Variants in ANTXRL observed in about 807,000 individuals in gnomAD.
ANTXRL encodes anthrax toxin receptor-like.
In ANTXRL, 63 loss-of-function variants were observed where a neutral mutation model predicts 75.4. The ratio of observed to expected loss-of-function variants is 0.84; its 90% CI spans 0.68 to 1.03. ANTXRL has a LOEUF of 1.03. Ranked by LOEUF, ANTXRL falls within the 50% of genes least tolerant of loss-of-function variation. The probability of loss-of-function intolerance (pLI) is 0.00; values close to 1 mark genes in which losing one functional copy is unlikely to be tolerated. For missense variants in ANTXRL, 797 were observed against 789.4 expected, an observed-to-expected ratio of 1.01 and a Z score of -0.12; for synonymous variants, 335 against 291.3, an observed-to-expected ratio of 1.15 and a Z score of -1.53.
At position 46,297,346 on chromosome 10, in the gene ANTXRL, T is replaced by G; in HGVS notation, c.585+18T>G. 6.5e-7 allele frequency: 1 copy of G among 1,536,270 alleles called. No individual in the cohort carries two copies. The highest frequency in any genetic ancestry group is 8.7e-7 in the Non-Finnish European group (1 of 1,146,724). On this transcript the variant is annotated intron_variant, in intron 6 of 16. Coordinates refer to ENST00000620264, the MANE Select transcript of ANTXRL (RefSeq NM_001278688.3). ...TCAGAGAAGTGAGTCCAGTTCATAC[T>G]TACCAGCATTTTGCTCCATGTATTT...
Position 46,296,220 on chromosome 10 carries a change from C to T in ANTXRL, c.476C>T (p.Ala159Val), listed in dbSNP as rs573253426. 2 of 1,535,718 alleles carry T rather than the reference C, an allele frequency of 1.3e-6. No homozygotes were observed. Among genetic ancestry groups the T allele is most frequent in the East Asian group, 2.4e-5 (1 of 40,932 alleles). Residue 159 changes from alanine (A) to valine (V), a missense_variant and splice_region_variant, in exon 5 of 17, where the codon GCA (alanine) becomes GTA (valine). Physicochemically the swap from Ala to Val is moderately conservative, Grantham distance 64. This residue lies in a region of ANTXRL where 262 missense variants were observed against 271.9 expected (regional missense o/e 0.96). Coordinates refer to ENST00000620264, the MANE Select transcript of ANTXRL (RefSeq NM_001278688.3). ...CAATATTTCTTCATTTTCTTGCAGGCAATTCAACAGATCGAAAGTTTCAAC... is the reference window on the plus strand; with the variant it reads ...CAATATTTCTTCATTTTCTTGCAGGTAATTCAACAGATCGAAAGTTTCAAC... The part of the protein sequence containing the change: ...HTFMQAGFRK[A>V]IQQIESFNSG...
At chr10:46,321,372 G>A (rs79799492) in intron 16 of ANTXRL, among the ~76,000 whole-genome samples, 1 of 152,154 alleles carries the variant, frequency 6.6e-6, no homozygotes, top group East Asian at 1.9e-4. Flanking sequence ...TCCATTTCTA[G>A]GATGTTGTCT....
At chr10:46,329,407 G>T (rs1198877098) in intron 16 of ANTXRL, among the ~76,000 whole-genome samples, 192 bp from the exon 17 acceptor site, 2 of 152,236 alleles carry the variant, frequency 1.3e-5, no homozygotes, top group East Asian at 3.9e-4. Context: ...GACTTTGAAC[G>T]CTGGAGCTGA....
chr10:46,329,473 C>G (rs1839382758), intron 16 of ANTXRL, 126 bp from the exon 17 acceptor site: 2 of 1,272,884 alleles, frequency 1.6e-6, no homozygotes, highest in Non-Finnish European at 2.1e-6. Context: ...AGGAGGAGCA[C>G]AGCAAGGCCC....
intron 16 of ANTXRL, among the ~76,000 whole-genome samples, chr10:46,314,201 G>T (rs1554964244): frequency 6.6e-6 from 1 of 152,148 alleles, no homozygotes; most frequent in Non-Finnish European, 1.5e-5. Flanking sequence ...ATAAGAAATG[G>T]GCCGGGAGCC....
chr10:46,296,300 G>C (rs1565020046), intron 5 of ANTXRL, 48 bp downstream of exon 5: 1 of 1,527,274 alleles, frequency 6.5e-7, no homozygotes. Flanking sequence ...GAACAGAGCT[G>C]GGTGTGAGCC....
rs114454075 is a variant in ANTXRL, at chr10:46,296,277, G to A, written c.508+25G>A. On this transcript the variant is annotated intron_variant, in intron 5 of 16. Coordinates refer to ENST00000620264, the MANE Select transcript of ANTXRL (RefSeq NM_001278688.3). ...AGTAAGCACCTGCCGTCCCCCTGGTGGTCCTGTAGGGGGAACAGAGCTGGG... is the reference window on the plus strand; with the variant it reads ...AGTAAGCACCTGCCGTCCCCCTGGTAGTCCTGTAGGGGGAACAGAGCTGGG... The A allele has an allele frequency of 2.9e-3, 4,469 of 1,534,904 alleles. 105 individuals carry two copies. The African/African-American group carries it at 0.052, about 18-fold the overall frequency.
At chr10:46,326,845 C>T (rs1380865304) in intron 16 of ANTXRL, among the ~76,000 whole-genome samples, 3 of 152,122 alleles carry the variant, frequency 2.0e-5, no homozygotes, top group African/African-American at 7.2e-5. Flanking sequence ...AGGTGGAGGT[C>T]TGGGCCAAGC....
At chr10:46,299,948 C>T (rs1195238631) in intron 9 of ANTXRL, among the ~76,000 whole-genome samples, 2 of 152,172 alleles carry the variant, frequency 1.3e-5, no homozygotes, top group African/African-American at 2.4e-5. Context: ...CTCTCCTCCC[C>T]CTCGGGGTCT....
intron 9 of ANTXRL, among the ~76,000 whole-genome samples, chr10:46,298,669 G>A (rs1837534626): frequency 6.6e-6 from 1 of 151,646 alleles, no homozygotes; most frequent in South Asian, 2.1e-4. Context: ...GTGTGTGTTT[G>A]TGTCGTATGG....
Position 46,288,552 on chromosome 10 carries a change from G to A in ANTXRL, c.248+1042G>A, listed in dbSNP as rs144276481. ...GTTTCTGACTGTTCTGCTACTCTTGGGGAAGGAGCAACTCAGTTCTGGAGA... is the reference window on the plus strand; with the variant it reads ...GTTTCTGACTGTTCTGCTACTCTTGAGGAAGGAGCAACTCAGTTCTGGAGA... On this transcript the variant is annotated intron_variant, in intron 1 of 16. Transcript: ENST00000620264. 5.0e-4 allele frequency among the ~76,000 whole-genome samples: 76 copies of A among 152,250 alleles called. 1 individual carries two copies. Among genetic ancestry groups the A allele is most frequent in the African/African-American group, 1.8e-3 (74 of 41,518 alleles).
In ANTXRL at chr10:46,293,825, A is replaced by C; in HGVS notation, c.321-4A>C. The stretch of plus-strand genomic sequence containing the variant: ...CTTCTCACCAGCACATGATTCCTTC[A>C]CAGCCCAAATATTCGGATGTGCTTC... On this transcript the variant is annotated splice_polypyrimidine_tract_variant and splice_region_variant and intron_variant, in intron 2 of 16. Transcript: ENST00000620264. The C allele has an allele frequency of 6.5e-7, 1 of 1,535,486 alleles. No individual in the cohort carries two copies. The highest frequency in any genetic ancestry group is 8.7e-7 in the Non-Finnish European group (1 of 1,146,520).
chr10:46,303,186 G>A (rs1837861279), intron 10 of ANTXRL, among the ~76,000 whole-genome samples: 1 of 152,156 alleles, frequency 6.6e-6, no homozygotes, highest in Admixed American at 6.5e-5. Flanking sequence ...AGGAAATGGT[G>A]GCAGCCCCGG....
chr10:46,319,893 G>C (rs1205651042), intron 16 of ANTXRL, among the ~76,000 whole-genome samples: 3 of 152,092 alleles, frequency 2.0e-5, no homozygotes, highest in Admixed American at 1.3e-4. Flanking sequence ...ACTTTCTGTA[G>C]TAACAAAATC....
At chr10:46,313,087 A>G in intron 15 of ANTXRL, 149 bp from the exon 16 acceptor site, 4 of 713,384 alleles carry the variant, frequency 5.6e-6, no homozygotes, top group Non-Finnish European at 9.7e-6. Flanking sequence ...CCAGCACACA[A>G]GGCTGCCAGG....
At chr10:46,313,596 C>T (rs1202330273) in intron 16 of ANTXRL, among the ~76,000 whole-genome samples, 2 of 152,104 alleles carry the variant, frequency 1.3e-5, no homozygotes, top group Non-Finnish European at 1.5e-5. Flanking sequence ...ATAAGGATTC[C>T]TTCCTTGGTT....
chr10:46,297,167 C>T (rs1837429979), intron 5 of ANTXRL, 85 bp from the exon 6 acceptor site: 3 of 1,154,640 alleles, frequency 2.6e-6, no homozygotes, highest in Non-Finnish European at 3.7e-6. Flanking sequence ...GCGCTGTGGG[C>T]CCAGCCATCT....
chr10:46,300,571 T>G (rs4926075), intron 9 of ANTXRL, among the ~76,000 whole-genome samples: 12,507 of 149,068 alleles, frequency 0.084, 759 homozygotes, highest in East Asian at 0.15. Flanking sequence ...CCCTCCAGGG[T>G]CCACTTCCTG....
In ANTXRL at chr10:46,290,045, C is replaced by CTTTTTT. The variant is rs34276033; in HGVS notation, c.249-2000_249-1995dup. Among the ~76,000 whole-genome samples the CTTTTTT allele has an allele frequency of 6.4e-4, 76 of 119,632 alleles. 2 individuals carry two copies. Among genetic ancestry groups the CTTTTTT allele is most frequent in the African/African-American group, 1.5e-3 (47 of 31,056 alleles). The allele number at this position is 119,632 out of a possible 152,430, so 78.5% of individuals were successfully genotyped here. On this transcript the variant is annotated intron_variant, in intron 1 of 16. Coordinates refer to ENST00000620264, the MANE Select transcript of ANTXRL (RefSeq NM_001278688.3). ...TGTATATGTACCACATTTTCTTTATCTTTTTTTTTTTTTTTTTTGAGTTGG... is the reference window on the plus strand; with the variant it reads ...TGTATATGTACCACATTTTCTTTATCTTTTTTTTTTTTTTTTTTTTTTTTGAGTTGG...
Sources: allele counts gnomAD v4.1 joint callset (sites outside exome capture counted in the v4.1 genomes callset), GRCh38; gene constraint gnomAD v4.1.1; regional missense constraint gnomAD v4.1.1; transcripts MANE v1.5; gene names NCBI Gene and HGNC (gene_info 2026-07-23, HGNC 2026-07-21).